The following SLC49A3 variants were observed in gnomAD, a reference collection of about 807,000 sequenced individuals.
SLC49A3 encodes solute carrier family 49 member A3.
Under a neutral mutation model 43.8 loss-of-function variants are expected in SLC49A3, and 50 were observed. The observed-to-expected ratio is 1.14, with a 90% CI of 0.91 to 1.45. The LOEUF is 1.45. Among genes scored for constraint, SLC49A3 ranks in the 40% most tolerant of loss-of-function variants. The pLI, the probability that SLC49A3 is intolerant of heterozygous loss-of-function variation, is 0.00. For synonymous variants in SLC49A3, 413 were observed against 352.0 expected (o/e 1.17, Z -1.94); for missense variants, 906 against 774.1 (o/e 1.17, Z -2.02).
At position 684,467 on chromosome 4, in the gene SLC49A3, G is replaced by A. The variant is rs748362941; in HGVS notation, c.840+16C>T. 1.2e-6 allele frequency: 2 copies of A among 1,612,166 alleles called. No individual in the cohort carries two copies. Among genetic ancestry groups the A allele is most frequent in the African/African-American group, 1.3e-5 (1 of 75,034 alleles). On this transcript the variant is annotated intron_variant, in intron 6 of 9. Transcript: ENST00000322224. ...GATGACAGAGGCAGGGTCCCCAGGGGTGGGGCCAGGCTCACACTGGAGTGG... is the reference window on the plus strand; with the variant it reads ...GATGACAGAGGCAGGGTCCCCAGGGATGGGGCCAGGCTCACACTGGAGTGG...
rs937894763 is a variant in SLC49A3, at chr4:685,975, G to A, written c.509-64C>T. On this transcript the variant is annotated intron_variant, in intron 3 of 9. Transcript: ENST00000322224. This position sits in a 1 kb window ranked among gnomAD's most constrained non-coding sequence, Gnocchi z 4.3. ...GCCTGGCTTCATCGCCAGCCCACAG[G>A]CAGAACCTTCCGGGCCCCAGCTCCT... 5 of 1,610,782 alleles carry A rather than the reference G, an allele frequency of 3.1e-6. No individual in the cohort carries two copies. The Admixed American group carries it at 5.0e-5, about 16-fold the overall frequency.
At position 683,429 on chromosome 4, in the gene SLC49A3, C is replaced by T. The variant is rs368698925; in HGVS notation, c.994-62G>A. ...GGGTGGCAGTCAGAACTGGACCTGG[C>T]TTCACGGGACATGGGACACGGGGCA... On this transcript the variant is annotated intron_variant, in intron 7 of 9. Coordinates refer to ENST00000322224, the MANE Select transcript of SLC49A3 (RefSeq NM_032219.4). The T allele has an allele frequency of 6.2e-4, 975 of 1,564,218 alleles. 5 individuals are homozygous for T. In the African/African-American group the frequency reaches 0.012, roughly 19 times the overall value.
In SLC49A3 at chr4:685,125, C is replaced by T. The variant is rs1426446367; in HGVS notation, c.586-269G>A. The T allele has an allele frequency of 1.3e-5, 7 of 527,358 alleles. No homozygotes were observed. The highest frequency in any genetic ancestry group is 3.4e-5 in the East Asian group (1 of 29,428). 32.7% of individuals were successfully genotyped at this position (527,358 alleles called of 1,614,324 possible). ...CCAGCACCCCCAGGCTCCAGACTTACATCTCACTGCCAGCTGCACAGCCCA... is the reference window on the plus strand; with the variant it reads ...CCAGCACCCCCAGGCTCCAGACTTATATCTCACTGCCAGCTGCACAGCCCA... On this transcript the variant is annotated intron_variant, in intron 4 of 9. Coordinates refer to ENST00000322224, the MANE Select transcript of SLC49A3 (RefSeq NM_032219.4). The surrounding 1 kb of genome is among the most constrained non-coding windows in gnomAD (Gnocchi z 4.3).
chr4:677,823 G>A (rs1189530359), downstream of SLC49A3: 19 of 776,126 alleles, frequency 2.4e-5, no homozygotes, highest in South Asian at 1.3e-4. Flanking sequence ...GGGGCCTTGC[G>A]GGGTGAGGCA....
At chr4:684,034 G>A (rs943045995) in intron 6 of SLC49A3, among the ~76,000 whole-genome samples, 24 of 152,224 alleles carry the variant, frequency 1.6e-4, no homozygotes, top group African/African-American at 5.8e-4. Context: ...TGGCAAAGGT[G>A]GAAACATGCC....
upstream of SLC49A3, chr4:689,251 C>T: frequency 1.8e-6 from 1 of 544,862 alleles, no homozygotes; most frequent in Non-Finnish European, 2.7e-6. Flanking sequence ...CACGGGGGGC[C>T]AGTTCCGCCC....
downstream of SLC49A3, chr4:676,877 A>G (rs1738891789): frequency 3.0e-6 from 3 of 984,918 alleles, no homozygotes; most frequent in Non-Finnish European, 3.6e-6. Flanking sequence ...AGGGTCCTCA[A>G]CCTCAGGAGT....
At position 686,587 on chromosome 4, in the gene SLC49A3, G is replaced by C; in HGVS notation, c.239C>G (p.Thr80Ser). The part of the protein sequence containing the change: ...WLSLVYLVVS[T>S]PFGVAAIWIL... ...CCAGATGGCCGCCACGCCAAATGGGGTGGATACCACGAGGTAGACCAGTGA... is the reference window on the plus strand; with the variant it reads ...CCAGATGGCCGCCACGCCAAATGGGCTGGATACCACGAGGTAGACCAGTGA... Residue 80 changes from threonine (T) to serine (S), a missense_variant, in exon 2 of 10, where the codon ACC becomes AGC. Transcript: ENST00000322224. The C allele has an allele frequency of 6.2e-7, 1 of 1,613,296 alleles. No homozygotes were observed. The highest frequency in any genetic ancestry group is 2.2e-5 in the East Asian group (1 of 44,878).
chr4:678,105 A>T (rs551469900), downstream of SLC49A3: 6 of 1,585,704 alleles, frequency 3.8e-6, no homozygotes, highest in African/African-American at 8.9e-5. Flanking sequence ...ATGCGCACAG[A>T]CGAGCGTGGG....
rs1403271370 is a variant in SLC49A3 at position 683,601 on chromosome 4, A to T, written c.993+8T>A. On this transcript the variant is annotated splice_region_variant and intron_variant, in intron 7 of 9. Transcript: ENST00000322224. ...CACAGGGCAGTCTTGGCTTGAGGAG[A>T]CCCTCACCAGGGCAAAGGGCACGCA... 9.4e-6 allele frequency: 15 copies of T among 1,598,990 alleles called. No individual in the cohort carries two copies. The highest frequency in any genetic ancestry group is 1.3e-5 in the Non-Finnish European group (15 of 1,172,916).
downstream of SLC49A3, among the ~76,000 whole-genome samples, chr4:681,414 C>T (rs1739501592): frequency 6.6e-6 from 1 of 151,996 alleles, no homozygotes; most frequent in Admixed American, 6.5e-5. Context: ...GGGCGGGGCT[C>T]ACAGCTGTGC....
Position 681,895 on chromosome 4 carries a change from G to A in SLC49A3, c.*63C>T, listed in dbSNP as rs1040728365. The A allele has an allele frequency of 6.8e-6, 9 of 1,315,282 alleles. No individual in the cohort carries two copies. The highest frequency in any genetic ancestry group is 3.0e-5 in the African/African-American group (2 of 66,182). 81.5% of individuals were successfully genotyped at this position (1,315,282 alleles called of 1,614,324 possible). ...AGCCCTTTCGCCCCCGCCCGCAGGT[G>A]GACCAGATGTTCCAGTTCGCCTCCA... On this transcript the variant is annotated 3_prime_UTR_variant, in exon 10 of 10. Transcript: ENST00000322224.
chr4:685,865 C>A lies in SLC49A3; in HGVS notation c.555G>T (p.Leu185=). The A allele has an allele frequency of 6.2e-7, 1 of 1,614,014 alleles. No individual in the cohort carries two copies. The highest frequency in any genetic ancestry group is 1.1e-5 in the South Asian group (1 of 91,086). The part of the protein sequence containing the change: ...VLVANVLSPV[L]VKKGEDIPLM... ...ACGGAATGTCCTCACCCTTCTTGAC[C>A]AGCACAGGGGACAGCACATTGGCCA... is the stretch of plus-strand genomic sequence containing the variant. Residue 185 remains leucine, a synonymous_variant, in exon 4 of 10, where the codon CTG becomes CTT. Transcript: ENST00000322224. This position sits in a 1 kb window ranked among gnomAD's most constrained non-coding sequence, Gnocchi z 4.3.
chr4:679,153 C>T (rs1374235744), downstream of SLC49A3: 2 of 694,022 alleles, frequency 2.9e-6, no homozygotes, highest in East Asian at 8.7e-5. Context: ...AGAGGCCCAC[C>T]AACGGCCCTG....
rs117866555 is a variant in SLC49A3, at chr4:686,820, C to T, written c.136-130G>A. ...CCGAGGGGACACAGCGAGCTGGACA[C>T]GGGGCCTTCCTGCCCAAGGAGAGCG... On this transcript the variant is annotated intron_variant, in intron 1 of 9. Coordinates refer to ENST00000322224, the MANE Select transcript of SLC49A3 (RefSeq NM_032219.4). The T allele has an allele frequency of 4.3e-4, 510 of 1,195,488 alleles. 2 individuals carry two copies. The East Asian group carries it at 1.0e-2, about 23-fold the overall frequency. 74.1% of individuals were successfully genotyped at this position (1,195,488 alleles called of 1,614,324 possible). A position where few individuals can be genotyped will look rare whatever the true frequency, so the allele number is the denominator to read the frequency against.
chr4:678,353 C>G (rs1487969830), downstream of SLC49A3: 5 of 1,414,318 alleles, frequency 3.5e-6, no homozygotes, highest in Admixed American at 8.6e-5. Flanking sequence ...ACTTGCCCCT[C>G]AAGCCTTCAG....
chr4:690,320 G>A (rs141503609), upstream of SLC49A3, among the ~76,000 whole-genome samples: 280 of 152,094 alleles, frequency 1.8e-3, no homozygotes, highest in Non-Finnish European at 3.2e-3. Context: ...TCTCTGAGAC[G>A]TGTGATGGAG....
At chr4:683,801 C>A in intron 6 of SLC49A3, 40 bp from the exon 7 acceptor site, 2 of 1,535,424 alleles carry the variant, frequency 1.3e-6, no homozygotes, top group Middle Eastern at 1.9e-4. Flanking sequence ...CAAGAGGCCA[C>A]CATTATCCTA....
At chr4:678,269 G>C (rs564205706), downstream of SLC49A3, 1,193 of 1,463,834 alleles carry the variant, frequency 8.1e-4, 25 homozygotes, top group South Asian at 0.015. Context: ...CTCCTGGTGA[G>C]AGTCCGGAGC....
Sources: gnomAD v4.1 joint callset for allele counts (sites outside exome capture counted in the v4.1 genomes callset) on GRCh38, gnomAD v4.1.1 for gene constraint, Gnocchi (gnomAD v3.1) non-coding constraint, MANE v1.5 for transcripts, NCBI Gene and HGNC (gene_info 2026-07-23, HGNC 2026-07-21) for gene names.